Variants in DLC1 observed in about 807,000 individuals in gnomAD.
DLC1 encodes the protein rho GTPase-activating protein 7.
Under a neutral mutation model 140.3 loss-of-function variants are expected in DLC1, and 54 were observed. The ratio of observed to expected loss-of-function variants is 0.38; its 90% CI spans 0.31 to 0.48. The LOEUF is 0.48. Among genes scored for constraint, DLC1 ranks in the 20% least tolerant of loss-of-function variants. The pLI, the probability that DLC1 is intolerant of heterozygous loss-of-function variation, is 0.96. For synonymous variants in DLC1, 986 were observed against 728.1 expected (o/e 1.35, Z -5.70); for missense variants, 2,536 against 1,907.0 (o/e 1.33, Z -6.14).
At chr8:13,524,827 G>C (rs10088056) in intron 1 of DLC1, among the ~76,000 whole-genome samples, 152,057 of 152,268 alleles carry the variant, frequency 1, 75,923 homozygotes, top group Non-Finnish European at 1. Flanking sequence ...ATTTTACCAG[G>C]TTTATTGAGA....
chr8:13,286,806 G>T (rs1831550315), intron 5 of DLC1, among the ~76,000 whole-genome samples: 1 of 151,458 alleles, frequency 6.6e-6, no homozygotes, highest in African/African-American at 2.4e-5. Flanking sequence ...AAAGACAAGT[G>T]AGGAGAAGAA....
intron 2 of DLC1, among the ~76,000 whole-genome samples, chr8:13,406,927 G>A (rs1411343320): frequency 6.6e-6 from 1 of 152,184 alleles, no homozygotes; most frequent in Non-Finnish European, 1.5e-5. Flanking sequence ...TGTGATGTAT[G>A]TCTCTTTTTC....
intron 5 of DLC1, among the ~76,000 whole-genome samples, chr8:13,283,409 A>G (rs565841998): frequency 4.6e-5 from 7 of 152,372 alleles, no homozygotes; most frequent in African/African-American, 1.7e-4. Context: ...TTTTAAAAAA[A>G]TAGATAAGCG....
chr8:13,544,113 G>T (rs2117338104), intron 1 of DLC1, among the ~76,000 whole-genome samples: 1 of 151,786 alleles, frequency 6.6e-6, no homozygotes, highest in Admixed American at 6.6e-5. Flanking sequence ...TGCATCCCAT[G>T]TATAATATAT....
chr8:13,243,231 A>C (rs1285480355), intron 5 of DLC1, among the ~76,000 whole-genome samples: 2 of 143,234 alleles, frequency 1.4e-5, no homozygotes, highest in African/African-American at 2.6e-5. Flanking sequence ...TGGAGGTTGC[A>C]GTGAGCCAAG....
rs1179460110 is a variant in DLC1 at position 13,170,729 on chromosome 8, C to CAAA, written c.1349-55075_1349-55073dup. On this transcript the variant is annotated intron_variant, in intron 5 of 17. Transcript: ENST00000276297. ...TGGGCGACAGAGCAAGACTCCATCT[C>CAAA]AAAAAAAAAAAAAAAAAAAAAGTTT... 4.9e-4 allele frequency among the ~76,000 whole-genome samples: 31 copies of CAAA among 63,052 alleles called. 1 individual carries two copies. The highest frequency in any genetic ancestry group is 1.0e-3 in the African/African-American group (16 of 15,358). The allele number at this position is 63,052 out of a possible 152,430, so 41.4% of individuals were successfully genotyped here. A position where few individuals can be genotyped will look rare whatever the true frequency, so the allele number is the denominator to read the frequency against.
chr8:13,481,820 G>C (rs186134023), intron 2 of DLC1, among the ~76,000 whole-genome samples: 27 of 152,278 alleles, frequency 1.8e-4, no homozygotes, highest in African/African-American at 6.3e-4. Flanking sequence ...ATTAGAGATG[G>C]ACAGGCCAGT....
chr8:13,259,497 G>A (rs2117323926), intron 5 of DLC1, among the ~76,000 whole-genome samples: 1 of 152,254 alleles, frequency 6.6e-6, no homozygotes, highest in African/African-American at 2.4e-5. Flanking sequence ...AAATCCACCT[G>A]TCTATGGGGT....
At chr8:13,171,669 T>C (rs1028271341) in intron 5 of DLC1, among the ~76,000 whole-genome samples, 28 of 152,296 alleles carry the variant, frequency 1.8e-4, no homozygotes, top group African/African-American at 6.7e-4. Flanking sequence ...ATTACAGGTG[T>C]GAACCACCAC....
rs566719360 is a variant in DLC1 at position 13,384,761 on chromosome 8, T to C, written c.1314+8792A>G. ...TCTGGTGTCTGCTGTCTTTTACATT[T>C]TGTTTTTGTTTCTTATTGTCTGTCC... On this transcript the variant is annotated intron_variant, in intron 4 of 17. Coordinates refer to ENST00000276297, the MANE Select transcript of DLC1 (RefSeq NM_182643.3). Among the ~76,000 whole-genome samples the C allele has an allele frequency of 3.9e-4, 60 of 152,260 alleles. No homozygotes were observed. The South Asian group carries it at 8.9e-3, about 23-fold the overall frequency.
chr8:13,421,728 A>G (rs1034381765), intron 2 of DLC1, among the ~76,000 whole-genome samples: 3 of 152,164 alleles, frequency 2.0e-5, no homozygotes, highest in East Asian at 1.9e-4. Context: ...TCATCCTCCA[A>G]TTCCCTGAGA....
chr8:13,193,461 G>A (rs983971475), intron 5 of DLC1, among the ~76,000 whole-genome samples: 4 of 152,054 alleles, frequency 2.6e-5, no homozygotes, highest in African/African-American at 7.2e-5. Context: ...ATAGTTTAGT[G>A]CCACATCTGT....
At chr8:13,577,261 A>G (rs80080479) in intron 1 of DLC1, among the ~76,000 whole-genome samples, 9,735 of 152,284 alleles carry the variant, frequency 0.064, 439 homozygotes, top group South Asian at 0.18. Context: ...GCTGGACAGT[A>G]GGGAGGGAGG....
At chr8:13,453,418 A>G (rs958186009) in intron 2 of DLC1, among the ~76,000 whole-genome samples, 1 of 44,300 alleles carries the variant, frequency 2.3e-5, no homozygotes, top group Non-Finnish European at 3.7e-5. Flanking sequence ...ATATATATAT[A>G]TATATGTGTA....
In DLC1 at chr8:13,305,316, C is replaced by A. The variant is rs773948891; in HGVS notation, c.1315-14G>T. 7 of 1,579,302 alleles carry A rather than the reference C, an allele frequency of 4.4e-6. No homozygotes were observed. Among genetic ancestry groups the A allele is most frequent in the Admixed American group, 1.8e-5 (1 of 54,994 alleles). ...ACCTTGAATAGCCTGAAAAAAAAGA[C>A]ACAAAAATTGTGGTATTATTAGGAA... is the stretch of plus-strand genomic sequence containing the variant. On this transcript the variant is annotated splice_polypyrimidine_tract_variant and intron_variant, in intron 4 of 17. Coordinates refer to ENST00000276297, the MANE Select transcript of DLC1 (RefSeq NM_182643.3).
intron 2 of DLC1, among the ~76,000 whole-genome samples, chr8:13,451,037 C>CAAAAAAAAAAAAAAA (rs1169620786): frequency 0.02 from 374 of 18,424 alleles, 38 homozygotes; most frequent in Non-Finnish European, 0.027. Context: ...GACTCCGTCT[C>CAAAAAAAAAAAAAAA]AAAAAAAAAA....
intron 5 of DLC1, among the ~76,000 whole-genome samples, chr8:13,140,880 C>G (rs992529063): frequency 2.6e-5 from 4 of 152,030 alleles, no homozygotes; most frequent in Admixed American, 6.6e-5. Flanking sequence ...ATTATGTACT[C>G]AAAAAATATT....
intron 1 of DLC1, among the ~76,000 whole-genome samples, chr8:13,528,822 C>T (rs1326671020): frequency 6.6e-6 from 1 of 152,178 alleles, no homozygotes. Context: ...GTTTGAGCAA[C>T]AGACCCACTG....
At position 13,446,384 on chromosome 8, in the gene DLC1, C is replaced by T. The variant is rs144687518; in HGVS notation, c.1024-44765G>A. 2.4e-3 allele frequency among the ~76,000 whole-genome samples: 358 copies of T among 152,284 alleles called. 1 individual carries two copies. The highest frequency in any genetic ancestry group is 7.7e-3 in the African/African-American group (320 of 41,560). On this transcript the variant is annotated intron_variant, in intron 2 of 17. Coordinates refer to ENST00000276297, the MANE Select transcript of DLC1 (RefSeq NM_182643.3). Reference sequence around the variant, plus strand: ...AATTGTGATAAATGTAAACAACACTCATTTCTTGTTTTCATCTTTTGAGTT... The same window carrying T: ...AATTGTGATAAATGTAAACAACACTTATTTCTTGTTTTCATCTTTTGAGTT...
Sources: gnomAD v4.1 joint callset for allele counts (sites outside exome capture counted in the v4.1 genomes callset) on GRCh38, gnomAD v4.1.1 for gene constraint, MANE v1.5 for transcripts, NCBI Gene and HGNC (gene_info 2026-07-23, HGNC 2026-07-21) for gene names.